The following TMTC2 variants were observed in gnomAD, a reference collection of about 807,000 sequenced individuals.
TMTC2 encodes the protein transmembrane O-mannosyltransferase targeting cadherins 2.
TMTC2 carries 43 observed loss-of-function variants against 82.4 expected under a neutral mutation model. The observed-to-expected ratio is 0.52, with a 90% confidence interval of 0.41 to 0.67. The LOEUF (loss-of-function observed/expected upper bound fraction) is 0.67, where lower values mean the gene tolerates loss of function less well. Among genes scored for constraint, TMTC2 ranks in the 30% least tolerant of loss-of-function variants. The pLI, the probability that TMTC2 is intolerant of heterozygous loss-of-function variation, is 0.00. For missense variants in TMTC2, 919 were observed against 1,012.4 expected (o/e 0.91, Z 1.25); for synonymous variants, 408 against 381.9 (o/e 1.07, Z -0.80).
intron 11 of TMTC2, among the ~76,000 whole-genome samples, chr12:83,085,563 TA>T (rs1158703955): frequency 6.6e-6 from 1 of 152,144 alleles, no homozygotes; most frequent in Non-Finnish European, 1.5e-5. Flanking sequence ...CTATCAAAAA[TA>T]AAGTGCCATG....
At chr12:82,708,050 T>G (rs1409331704) in intron 1 of TMTC2, among the ~76,000 whole-genome samples, 8 of 152,186 alleles carry the variant, frequency 5.3e-5, no homozygotes, top group Admixed American at 5.2e-4. Flanking sequence ...CCCTGCAGTC[T>G]GTTTTTTTAA....
intron 9 of TMTC2, among the ~76,000 whole-genome samples, chr12:83,041,699 G>A (rs940391044): frequency 9.9e-5 from 15 of 152,128 alleles, no homozygotes; most frequent in Non-Finnish European, 2.2e-4. Context: ...GAAGATTATA[G>A]GTAACCTTAC....
intron 11 of TMTC2, among the ~76,000 whole-genome samples, chr12:83,082,963 G>A (rs1883525043): frequency 6.6e-6 from 1 of 152,174 alleles, no homozygotes; most frequent in Non-Finnish European, 1.5e-5. Flanking sequence ...GAATCAAAAG[G>A]GTTAAACAGT....
intron 8 of TMTC2, among the ~76,000 whole-genome samples, chr12:83,003,567 A>T (rs1160492392): frequency 6.6e-6 from 1 of 152,126 alleles, no homozygotes; most frequent in African/African-American, 2.4e-5. Flanking sequence ...TTCCATCTCC[A>T]TGTTTAGTAC....
intron 1 of TMTC2, among the ~76,000 whole-genome samples, chr12:82,708,555 G>A (rs1873479423): frequency 6.6e-6 from 1 of 152,174 alleles, no homozygotes; most frequent in Non-Finnish European, 1.5e-5. Context: ...GAGTGTGCTG[G>A]CGAGCAGCGA....
chr12:82,923,506 AT>A (rs551148283), intron 3 of TMTC2, among the ~76,000 whole-genome samples: 4 of 149,922 alleles, frequency 2.7e-5, no homozygotes, highest in Admixed American at 6.7e-5. Flanking sequence ...AAATCCATTA[AT>A]TTTTTTTTTA....
intron 1 of TMTC2, among the ~76,000 whole-genome samples, chr12:82,703,854 G>A (rs1873217265): frequency 6.6e-6 from 1 of 152,152 alleles, no homozygotes; most frequent in Non-Finnish European, 1.5e-5. Context: ...CTTTTGAGGT[G>A]ACATCAAGAC....
At chr12:83,107,344 G>A (rs1884441998) in intron 11 of TMTC2, among the ~76,000 whole-genome samples, 1 of 152,198 alleles carries the variant, frequency 6.6e-6, no homozygotes, top group Admixed American at 6.5e-5. Context: ...TCTGGAAGTT[G>A]AGAAGTCCAA....
chr12:83,053,862 A>G (rs1882440729), intron 10 of TMTC2, among the ~76,000 whole-genome samples: 1 of 152,148 alleles, frequency 6.6e-6, no homozygotes, highest in African/African-American at 2.4e-5. Context: ...GAGGGTCTCT[A>G]AATTCCTGTC....
At chr12:82,967,735 AAAGAG>A (rs1878276418) in intron 7 of TMTC2, among the ~76,000 whole-genome samples, 1 of 152,122 alleles carries the variant, frequency 6.6e-6, no homozygotes, top group African/African-American at 2.4e-5. Context: ...TGGAGATAAT[AAAGAG>A]AAGAGAAGCA....
intron 8 of TMTC2, among the ~76,000 whole-genome samples, chr12:83,010,980 G>A (rs898704900): frequency 6.6e-6 from 1 of 152,136 alleles, no homozygotes; most frequent in African/African-American, 2.4e-5. Flanking sequence ...GATTACAGAT[G>A]TGTGACTCCA....
intron 4 of TMTC2, among the ~76,000 whole-genome samples, chr12:82,942,884 A>C (rs932631962): frequency 6.6e-6 from 1 of 152,160 alleles, no homozygotes; most frequent in Non-Finnish European, 1.5e-5. Flanking sequence ...TTTCTATTGC[A>C]GGTTTTATGC....
chr12:82,842,512 G>A (rs971904089), intron 1 of TMTC2, among the ~76,000 whole-genome samples: 8 of 152,126 alleles, frequency 5.3e-5, no homozygotes, highest in African/African-American at 1.4e-4. Flanking sequence ...TGGCTTGTAC[G>A]TGAAATGTAG....
At chr12:82,909,214 G>A (rs1470740023) in intron 3 of TMTC2, among the ~76,000 whole-genome samples, 3 of 152,116 alleles carry the variant, frequency 2.0e-5, no homozygotes, top group Non-Finnish European at 2.9e-5. Context: ...TCTGCAGTGT[G>A]ACCTCCTGCA....
chr12:82,828,456 C>G (rs530932331), intron 1 of TMTC2, among the ~76,000 whole-genome samples: 1 of 151,954 alleles, frequency 6.6e-6, no homozygotes, highest in Non-Finnish European at 1.5e-5. Flanking sequence ...CACCTCAGTC[C>G]CCCAAAGTGC....
chr12:82,905,489 AG>A (rs1483753145), intron 3 of TMTC2, among the ~76,000 whole-genome samples: 1 of 152,214 alleles, frequency 6.6e-6, no homozygotes, highest in Non-Finnish European at 1.5e-5. Flanking sequence ...TAAGTGCTAA[AG>A]GTTGTTTTTA....
At chr12:82,896,674 G>A (rs755001068) in intron 3 of TMTC2, 28 bp downstream of exon 3, 1 of 1,543,230 alleles carries the variant, frequency 6.5e-7, no homozygotes, top group Non-Finnish European at 8.8e-7. Context: ...GCTTTTGTCT[G>A]GATAGTTTAC....
intron 1 of TMTC2, among the ~76,000 whole-genome samples, chr12:82,752,390 G>A (rs563006157): frequency 6.6e-5 from 10 of 152,152 alleles, no homozygotes; most frequent in African/African-American, 2.2e-4. Context: ...GGAGGCTGAG[G>A]CAGGAGAATC....
intron 8 of TMTC2, among the ~76,000 whole-genome samples, chr12:82,998,364 T>G (rs925032799): frequency 1.3e-5 from 2 of 152,160 alleles, no homozygotes; most frequent in Non-Finnish European, 2.9e-5. Context: ...TTTGTCTAGA[T>G]GAATCCAAAA....
Sources: gnomAD v4.1 joint callset for allele counts (sites outside exome capture counted in the v4.1 genomes callset) on GRCh38, gnomAD v4.1.1 for gene constraint, MANE v1.5 for transcripts, NCBI Gene and HGNC (gene_info 2026-07-23, HGNC 2026-07-21) for gene names.